CES2: variants seen among roughly 807,000 people sequenced by gnomAD.
CES2 encodes carboxylesterase 2.
A neutral mutation model predicts 52.1 loss-of-function variants in CES2; 42 were observed. The observed-to-expected ratio is 0.81, with a 90% CI of 0.63 to 1.04. CES2 has a LOEUF of 1.04. CES2 is among the 50% of genes least tolerant of loss of function. The pLI, the probability that CES2 is intolerant of heterozygous loss-of-function variation, is 0.00. For missense variants in CES2, 656 were observed against 724.3 expected, an observed-to-expected ratio of 0.91 and a Z score of 1.08; for synonymous variants, 277 against 289.6, an observed-to-expected ratio of 0.96 and a Z score of 0.44.
intron 8 of CES2, 112 bp downstream of exon 8, chr16:66,941,960 G>T: frequency 6.5e-7 from 1 of 1,537,178 alleles, no homozygotes; most frequent in Non-Finnish European, 8.9e-7. Flanking sequence ...ATGAGCAAAG[G>T]CCTGGGTGTG....
chr16:66,942,159 G>A lies in CES2; in HGVS notation c.1192G>A (p.Gly398Arg). ...GAGGGAGGAGTACATTGGGGACAAT[G>A]GGGATCCCCAGACCCTCCAAGCGCA... ...LLREEYIGDN[G>R]DPQTLQAQFQ... The change falls in exon 9 of 12, where the codon GGG becomes AGG. Residue 398 changes from glycine (G) to arginine (R), a missense_variant. By Grantham distance (125) the Gly-to-Arg change is moderately radical. Coordinates refer to ENST00000317091, the MANE Select transcript of CES2 (RefSeq NM_001365405.1). The A allele has an allele frequency of 1.2e-6, 2 of 1,613,658 alleles. No individual in the cohort carries two copies. The highest frequency in any genetic ancestry group is 1.7e-6 in the Non-Finnish European group (2 of 1,179,660).
chr16:66,935,519 C>T lies in CES2; in HGVS notation c.-117C>T. The T allele has an allele frequency of 6.2e-7, 1 of 1,614,228 alleles. No individual in the cohort carries two copies. On this transcript the variant is annotated 5_prime_UTR_variant, in exon 1 of 12. Coordinates refer to ENST00000317091, the MANE Select transcript of CES2 (RefSeq NM_001365405.1). The stretch of plus-strand genomic sequence containing the variant: ...CCAGCGCACCCCGCTGACTCCCTGC[C>T]CAGTCCAAACTCCAAGGCTGGGCAA...
chr16:66,935,107 T>G, upstream of CES2: 1 of 258,024 alleles, frequency 3.9e-6, no homozygotes, highest in Non-Finnish European at 7.5e-6. Flanking sequence ...AGGAGGAACT[T>G]CCAGAATGAA....
chr16:66,936,685 C>T (rs1365384636), intron 1 of CES2, among the ~76,000 whole-genome samples: 3 of 152,104 alleles, frequency 2.0e-5, no homozygotes, highest in African/African-American at 7.2e-5. Flanking sequence ...GGCCTTTGGT[C>T]CTCTCACCCG....
chr16:66,937,130 T>C (rs949442721), intron 1 of CES2, among the ~76,000 whole-genome samples: 10 of 152,010 alleles, frequency 6.6e-5, no homozygotes, highest in Non-Finnish European at 1.2e-4. Context: ...TGAGCTGTTA[T>C]CATATTACTG....
chr16:66,935,311 T>G, upstream of CES2: 2 of 1,023,672 alleles, frequency 2.0e-6, no homozygotes, highest in South Asian at 3.2e-5. Flanking sequence ...CAAGGACAGG[T>G]TTGAAGAGAG....
chr16:66,935,286 C>G (rs554808577), upstream of CES2: 1 of 789,702 alleles, frequency 1.3e-6, no homozygotes, highest in South Asian at 1.9e-5. Flanking sequence ...CCAGCGCGCT[C>G]ATCGGGCCTG....
At chr16:66,940,413 A>G in intron 4 of CES2, 24 bp from the exon 5 acceptor site, 1 of 1,613,934 alleles carries the variant, frequency 6.2e-7, no homozygotes, top group Non-Finnish European at 8.5e-7. Flanking sequence ...CAGCCCTGTG[A>G]TCCCTGTCCC....
chr16:66,940,036 C>A (rs1963316367), intron 3 of CES2, among the ~76,000 whole-genome samples, 186 bp from the exon 4 acceptor site: 1 of 152,156 alleles, frequency 6.6e-6, no homozygotes, highest in Non-Finnish European at 1.5e-5. Context: ...GGTTCGATTG[C>A]AAAGATTGGG....
intron 9 of CES2, 149 bp from the exon 10 acceptor site, chr16:66,942,499 C>A: frequency 1.1e-6 from 1 of 903,934 alleles, no homozygotes; most frequent in Non-Finnish European, 1.6e-6. Context: ...AATCGCAAGT[C>A]CTTTCCTCTA....
upstream of CES2, chr16:66,934,630 T>G: frequency 1.9e-6 from 1 of 520,468 alleles, no homozygotes; most frequent in Non-Finnish European, 3.4e-6. This position sits in a 1 kb window ranked among gnomAD's most constrained non-coding sequence, Gnocchi z 4.1. Context: ...GGCTGAAACG[T>G]AGAGGCCAGA....
chr16:66,942,060 C>A, intron 8 of CES2, 45 bp from the exon 9 acceptor site: 1 of 1,574,588 alleles, frequency 6.4e-7, no homozygotes, highest in Non-Finnish European at 8.7e-7. Context: ...CTCCCTGCCC[C>A]TGGCATCCAG....
rs1313403437 is a variant in CES2 at position 66,943,023 on chromosome 16, C to T, written c.1420+238C>T. On this transcript the variant is annotated intron_variant, in intron 10 of 11. Transcript: ENST00000317091. The surrounding 1 kb of genome is among the most constrained non-coding windows in gnomAD (Gnocchi z 4.2). ...CATGGGTGTCTGGCCTGGTGCAGAA[C>T]AGGTGTTTCAGGGACATGTTTATTT... Among the ~76,000 whole-genome samples, 1 of 152,172 alleles carries T rather than the reference C, an allele frequency of 6.6e-6. No homozygotes were observed. Among genetic ancestry groups the T allele is most frequent in the Admixed American group, 6.5e-5 (1 of 15,272 alleles).
chr16:66,941,768 G>T lies in CES2; in HGVS notation c.1057G>T (p.Val353Phe), dbSNP rs1057434076. The change falls in exon 8 of 12, where the codon GTC becomes TTC. Residue 353 changes from valine to phenylalanine, a missense_variant and splice_region_variant. By Grantham distance (50) the Val-to-Phe change is conservative (BLOSUM62 -1). Transcript: ENST00000317091. ...NNEFGWLIPK[V>F]MRIYDTQKEM... ...TACAGACTCTCTCCTGGCCATCCAG[G>T]TCATGAGGATCTATGATACCCAGAA... is the stretch of plus-strand genomic sequence containing the variant. 2.5e-6 allele frequency: 4 copies of T among 1,614,134 alleles called. No individual in the cohort carries two copies. Among genetic ancestry groups the T allele is most frequent in the Non-Finnish European group, 3.4e-6 (4 of 1,180,008 alleles).
chr16:66,943,531 G>A lies in CES2; in HGVS notation c.1493+160G>A, dbSNP rs3848286. 0.017 allele frequency: 12,348 copies of A among 714,444 alleles called. 136 individuals carry two copies. Among genetic ancestry groups the A allele is most frequent in the Non-Finnish European group, 0.024 (10,153 of 425,670 alleles). 44.3% of individuals were successfully genotyped at this position (714,444 alleles called of 1,614,324 possible). ...ACCCACTCAGACAGGGTGGGGGTGC[G>A]TGGGGCAGTGGACACGCTCTATCTC... On this transcript the variant is annotated intron_variant, in intron 11 of 11. Coordinates refer to ENST00000317091, the MANE Select transcript of CES2 (RefSeq NM_001365405.1). This position sits in a 1 kb window ranked among gnomAD's most constrained non-coding sequence, Gnocchi z 4.2.
chr16:66,940,165 C>T, intron 3 of CES2, 57 bp from the exon 4 acceptor site: 2 of 1,600,648 alleles, frequency 1.2e-6, no homozygotes, highest in Non-Finnish European at 1.7e-6. Flanking sequence ...TAGGTAGTGG[C>T]CCTGGTGGGG....
chr16:66,937,850 G>A (rs1963251088), intron 1 of CES2, among the ~76,000 whole-genome samples, 187 bp from the exon 2 acceptor site: 1 of 152,240 alleles, frequency 6.6e-6, no homozygotes, highest in Non-Finnish European at 1.5e-5. Flanking sequence ...AGCCTGGTGG[G>A]ATGGAGACAG....
In CES2 at chr16:66,942,038, C is replaced by T. The variant is rs1038136764; in HGVS notation, c.1138-67C>T. ...CCCCTTCCTGTGCCATCCCCAAGCC[C>T]GAGACCACCTCCTCCCTGCCCCTGG... On this transcript the variant is annotated intron_variant, in intron 8 of 11. Transcript: ENST00000317091. 5.1e-6 allele frequency: 8 copies of T among 1,558,342 alleles called. No individual in the cohort carries two copies. In the African/African-American group the frequency reaches 5.4e-5, roughly 11 times the overall value.
intron 3 of CES2, 119 bp from the exon 4 acceptor site, chr16:66,940,101 ATT>A: frequency 1.4e-6 from 2 of 1,384,352 alleles, no homozygotes; most frequent in Non-Finnish European, 2.0e-6. Flanking sequence ...CATGTAATGA[ATT>A]TGTGCTGGAG....
Sources: allele counts gnomAD v4.1 joint callset (sites outside exome capture counted in the v4.1 genomes callset), GRCh38; gene constraint gnomAD v4.1.1; non-coding constraint Gnocchi (gnomAD v3.1); transcripts MANE v1.5; gene names NCBI Gene and HGNC (gene_info 2026-07-23, HGNC 2026-07-21).